The following HTR7 variants were observed in gnomAD, a reference collection of about 807,000 sequenced individuals.
HTR7 encodes the protein 5-HT-7.
A neutral mutation model predicts 34.0 loss-of-function variants in HTR7; 16 were observed. The ratio of observed to expected loss-of-function variants is 0.47; its 90% CI spans 0.32 to 0.71. The LOEUF is 0.71. Ranked by LOEUF, HTR7 falls within the 30% of genes least tolerant of loss-of-function variation. HTR7 has a pLI of 0.04. For synonymous variants in HTR7, 265 were observed against 260.2 expected, an observed-to-expected ratio of 1.02 and a Z score of -0.18; for missense variants, 504 against 625.5, an observed-to-expected ratio of 0.81 and a Z score of 2.07.
intron 1 of HTR7, among the ~76,000 whole-genome samples, chr10:90,766,373 TTTTTCCATCCCA>T (rs1451084344): frequency 6.6e-6 from 1 of 152,238 alleles, no homozygotes; most frequent in Non-Finnish European, 1.5e-5. Context: ...ATGAAATATC[TTTTTCCATCCCA>T]TTTTCCATCC....
In HTR7 at chr10:90,857,495, G is replaced by A; in HGVS notation, c.177C>T (p.Thr59=). 1.2e-6 allele frequency: 2 copies of A among 1,613,030 alleles called. No homozygotes were observed. Among genetic ancestry groups the A allele is most frequent in the Non-Finnish European group, 1.7e-6 (2 of 1,179,908 alleles). ...LSEVTASPAP[T]WDAPPDNASG... ...AGGCATTGTCCGGGGGCGCGTCCCAGGTGGGCGCCGGGCTGGCTGTCACCT... is the reference window on the plus strand; with the variant it reads ...AGGCATTGTCCGGGGGCGCGTCCCAAGTGGGCGCCGGGCTGGCTGTCACCT... The change falls in exon 1 of 4, where the codon ACC becomes ACT. Residue 59 remains threonine (T), a synonymous_variant. Coordinates refer to ENST00000336152, the MANE Select transcript of HTR7 (RefSeq NM_019859.4). This position sits in a 1 kb window ranked among gnomAD's most constrained non-coding sequence, Gnocchi z 6.5.
At chr10:90,753,035 A>G (rs927710708) in intron 1 of HTR7, among the ~76,000 whole-genome samples, 1 of 152,242 alleles carries the variant, frequency 6.6e-6, no homozygotes, top group Non-Finnish European at 1.5e-5. Flanking sequence ...CATTTAGTTT[A>G]ATTCAAAAAT....
At chr10:90,806,069 T>C (rs1256922240) in intron 1 of HTR7, among the ~76,000 whole-genome samples, 3 of 152,174 alleles carry the variant, frequency 2.0e-5, no homozygotes, top group African/African-American at 4.8e-5. Flanking sequence ...GCAGAGTTCA[T>C]AAAGAAACTA....
At chr10:90,811,963 G>C (rs1298473400) in intron 1 of HTR7, among the ~76,000 whole-genome samples, 1 of 152,178 alleles carries the variant, frequency 6.6e-6, no homozygotes, top group African/African-American at 2.4e-5. Flanking sequence ...CAGGCTCTTA[G>C]TATTCAGTGA....
intron 1 of HTR7, among the ~76,000 whole-genome samples, chr10:90,814,164 T>C (rs1454684550): frequency 1.3e-5 from 2 of 152,202 alleles, no homozygotes; most frequent in East Asian, 3.8e-4. Context: ...GCTAGCCTAG[T>C]GGACTGGATA....
chr10:90,846,004 A>G (rs1260951140), intron 1 of HTR7, among the ~76,000 whole-genome samples: 2 of 152,252 alleles, frequency 1.3e-5, no homozygotes, highest in Non-Finnish European at 2.9e-5. Context: ...AGGTGGAAAA[A>G]AAAAGTGTAT....
chr10:90,808,693 A>T (rs922501940), intron 1 of HTR7, among the ~76,000 whole-genome samples: 1 of 151,650 alleles, frequency 6.6e-6, no homozygotes, highest in African/African-American at 2.4e-5. Context: ...TGCTTCCTTC[A>T]CTATGGGCAA....
At chr10:90,778,436 T>C (rs1766898540) in intron 1 of HTR7, among the ~76,000 whole-genome samples, 1 of 152,140 alleles carries the variant, frequency 6.6e-6, no homozygotes, top group African/African-American at 2.4e-5. Context: ...CTGCACCACC[T>C]GGGGACTCTG....
chr10:90,804,655 G>A (rs758943935), intron 1 of HTR7, among the ~76,000 whole-genome samples: 24 of 152,230 alleles, frequency 1.6e-4, no homozygotes, highest in Non-Finnish European at 3.4e-4. Flanking sequence ...TTTATCCCAG[G>A]TAATAAGAGA....
intron 1 of HTR7, among the ~76,000 whole-genome samples, chr10:90,852,713 CA>C (rs1379416107): frequency 1.3e-5 from 2 of 152,150 alleles, no homozygotes; most frequent in Non-Finnish European, 2.9e-5. Flanking sequence ...ATGACTCTCA[CA>C]GACATTATGT....
intron 1 of HTR7, among the ~76,000 whole-genome samples, chr10:90,825,202 G>A (rs1233596445): frequency 6.6e-6 from 1 of 152,142 alleles, no homozygotes; most frequent in Non-Finnish European, 1.5e-5. Context: ...AATTCTTCAG[G>A]ATCTCATCCA....
chr10:90,754,922 T>C (rs920821045), intron 1 of HTR7, among the ~76,000 whole-genome samples: 6 of 152,222 alleles, frequency 3.9e-5, no homozygotes, highest in Admixed American at 1.3e-4. Context: ...TCCCTTGCAG[T>C]TGGCAAAATC....
chr10:90,825,730 G>A (rs1045699637), intron 1 of HTR7, among the ~76,000 whole-genome samples: 1 of 152,160 alleles, frequency 6.6e-6, no homozygotes. Context: ...ATGCATCAAA[G>A]TCTCTTAATA....
At chr10:90,759,203 A>G (rs865879385) in intron 1 of HTR7, among the ~76,000 whole-genome samples, 2 of 141,804 alleles carry the variant, frequency 1.4e-5, no homozygotes, top group African/African-American at 2.7e-5. Flanking sequence ...AAAAAAAAAA[A>G]AAGTGAAATA....
At chr10:90,748,737 A>T in intron 2 of HTR7, 102 bp downstream of exon 2, 1 of 1,295,956 alleles carries the variant, frequency 7.7e-7, no homozygotes, top group Non-Finnish European at 1.1e-6. Flanking sequence ...TTTAGTAAAA[A>T]CTAAGCTAGC....
At chr10:90,744,604 T>G (rs1294561687) in intron 2 of HTR7, among the ~76,000 whole-genome samples, 2 of 151,032 alleles carry the variant, frequency 1.3e-5, no homozygotes, top group Non-Finnish European at 3.0e-5. Flanking sequence ...GTTGCTGGCC[T>G]GTATACTGTA....
rs560463964 is a variant in HTR7, at chr10:90,833,923, G to GTTTTGTTTTATTCA, written c.539+23209_539+23210insTGAATAAAACAAAA. Among the ~76,000 whole-genome samples, 65 of 152,212 alleles carry GTTTTGTTTTATTCA rather than the reference G, an allele frequency of 4.3e-4. 1 individual carries two copies. In the South Asian group the frequency reaches 0.013, roughly 32 times the overall value. ...AAGGAAACTTGGATTATTATCAAAA[G>GTTTTGTTTTATTCA]GCTTTATTTTGGCTGGTGTCTTTTA... On this transcript the variant is annotated intron_variant, in intron 1 of 3. Transcript: ENST00000336152.
chr10:90,753,845 C>T (rs1195933068), intron 1 of HTR7, among the ~76,000 whole-genome samples: 2 of 151,872 alleles, frequency 1.3e-5, no homozygotes, highest in African/African-American at 4.8e-5. Flanking sequence ...ACACATAGCT[C>T]TTAAAGATAA....
intron 2 of HTR7, among the ~76,000 whole-genome samples, chr10:90,748,296 G>A (rs544129153): frequency 3.3e-5 from 5 of 152,154 alleles, no homozygotes; most frequent in South Asian, 2.1e-4. Context: ...CACCATGTCC[G>A]GCTCTTGTAG....
Sources: gnomAD v4.1 joint callset for allele counts (sites outside exome capture counted in the v4.1 genomes callset) on GRCh38, gnomAD v4.1.1 for gene constraint, Gnocchi (gnomAD v3.1) non-coding constraint, MANE v1.5 for transcripts, NCBI Gene and HGNC (gene_info 2026-07-23, HGNC 2026-07-21) for gene names.